PPP5C: variants seen among roughly 807,000 people sequenced by gnomAD.
The protein encoded by PPP5C is serine/threonine-protein phosphatase 5.
PPP5C carries 21 observed loss-of-function variants against 66.7 expected under a neutral mutation model. The observed-to-expected ratio is 0.31, with a 90% CI of 0.22 to 0.45. PPP5C has a LOEUF of 0.45. Ranked by LOEUF, PPP5C falls within the 20% of genes least tolerant of loss-of-function variation. The pLI, the probability that PPP5C is intolerant of heterozygous loss-of-function variation, is 1.00. For missense variants in PPP5C, 464 were observed against 675.9 expected (o/e 0.69, Z 3.48); for synonymous variants, 246 against 257.4 (o/e 0.96, Z 0.43).
chr19:46,375,678 G>A lies in PPP5C; in HGVS notation c.438G>A (p.Lys146=), dbSNP rs1193197070. The A allele has an allele frequency of 3.1e-6, 5 of 1,613,656 alleles. No individual in the cohort carries two copies. The Admixed American group carries it at 8.3e-5, about 27-fold the overall frequency. Residue 146 remains lysine (K), a synonymous_variant, in exon 3 of 13, where the codon AAG becomes AAA. Transcript: ENST00000012443. The part of the protein sequence containing the change: ...YQECNKIVKQ[K]AFERAIAGDE... ...AGTGCAACAAGATCGTGAAGCAGAAGGCCTTTGAGCGGGCCATCGCGGGCG... is the reference window on the plus strand; with the variant it reads ...AGTGCAACAAGATCGTGAAGCAGAAAGCCTTTGAGCGGGCCATCGCGGGCG...
rs191397100 is a variant in PPP5C, at chr19:46,376,668, G to A, written c.633+94G>A. On this transcript the variant is annotated intron_variant, in intron 4 of 12. Coordinates refer to ENST00000012443, the MANE Select transcript of PPP5C (RefSeq NM_006247.4). The surrounding 1 kb of genome is among the most constrained non-coding windows in gnomAD (Gnocchi z 5.1). ...GCACTGAGCAAAACGACAGGAGAAG[G>A]GCGGCCATGACAGCCAACACCAAAC... 110 of 1,528,062 alleles carry A rather than the reference G, an allele frequency of 7.2e-5. No individual in the cohort carries two copies. Among genetic ancestry groups the A allele is most frequent in the African/African-American group, 7.1e-4 (52 of 72,942 alleles). The allele number at this position is 1,528,062 out of a possible 1,614,324, so 94.7% of individuals were successfully genotyped here. A position where few individuals can be genotyped will look rare whatever the true frequency, so the allele number is the denominator to read the frequency against.
chr19:46,388,869 G>C lies in PPP5C; in HGVS notation c.1355+138G>C. 1 of 1,080,176 alleles carries C rather than the reference G, an allele frequency of 9.3e-7. No homozygotes were observed. The highest frequency in any genetic ancestry group is 1.3e-6 in the Non-Finnish European group (1 of 761,178). The allele number at this position is 1,080,176 out of a possible 1,614,324, so 66.9% of individuals were successfully genotyped here. A position where few individuals can be genotyped will look rare whatever the true frequency, so the allele number is the denominator to read the frequency against. Reference sequence around the variant, plus strand: ...AAGAACATGACGAACACCCCCGTATGTGTCACCCACCCATGCAGCACCAGT... The same window carrying C: ...AAGAACATGACGAACACCCCCGTATCTGTCACCCACCCATGCAGCACCAGT... On this transcript the variant is annotated intron_variant, in intron 11 of 12. Transcript: ENST00000012443. This position sits in a 1 kb window ranked among gnomAD's most constrained non-coding sequence, Gnocchi z 4.9.
chr19:46,390,309 C>T lies in PPP5C; in HGVS notation c.1463C>T (p.Ala488Val), dbSNP rs769703528. 2.5e-6 allele frequency: 4 copies of T among 1,588,546 alleles called. No individual in the cohort carries two copies. The highest frequency in any genetic ancestry group is 1.1e-5 in the South Asian group (1 of 87,648). Residue 488 changes from alanine (A) to valine (V), a missense_variant, in exon 13 of 13, where the codon GCC (alanine) becomes GTC (valine). Physicochemically the swap from Ala to Val is moderately conservative, Grantham distance 64. Around this residue, in one of 2 missense-constraint regions of PPP5C, gnomAD observed 387 missense variants for 626.0 expected, o/e 0.62. Transcript: ENST00000012443. ...AVPHPNVKPM[A>V]YANTLLQLGM... ...CCTCATCCCAACGTCAAGCCCATGG[C>T]CTATGCCAACACGCTGCTGCAGCTA...
In PPP5C at chr19:46,384,923, T is replaced by TG; in HGVS notation, c.904+15dup. 2 of 1,599,084 alleles carry TG rather than the reference T, an allele frequency of 1.3e-6. No individual in the cohort carries two copies. The highest frequency in any genetic ancestry group is 1.7e-6 in the Non-Finnish European group (2 of 1,166,398). On this transcript the variant is annotated intron_variant, in intron 7 of 12. Coordinates refer to ENST00000012443, the MANE Select transcript of PPP5C (RefSeq NM_006247.4). Reference sequence around the variant, plus strand: ...ACCTCCTTCGAGGTGAGCTGGGAAGTGACAAGGTTTGGGTTCATTGTGGGG... The same window carrying TG: ...ACCTCCTTCGAGGTGAGCTGGGAAGTGGACAAGGTTTGGGTTCATTGTGGGG...
chr19:46,355,286 C>T (rs1277050741), intron 2 of PPP5C, among the ~76,000 whole-genome samples: 1 of 152,182 alleles, frequency 6.6e-6, no homozygotes, highest in Non-Finnish European at 1.5e-5. Flanking sequence ...CCCCCCGACA[C>T]AGACACACTT....
intron 2 of PPP5C, among the ~76,000 whole-genome samples, chr19:46,371,980 C>A (rs1050680786): frequency 1.3e-5 from 2 of 152,158 alleles, no homozygotes; most frequent in African/African-American, 4.8e-5. Flanking sequence ...TTCTGAAGAA[C>A]AGTTGTTCTG....
intron 2 of PPP5C, among the ~76,000 whole-genome samples, chr19:46,356,419 C>A (rs1972288045): frequency 6.6e-6 from 1 of 152,240 alleles, no homozygotes; most frequent in Non-Finnish European, 1.5e-5. Flanking sequence ...TCCTCCTAGA[C>A]CAGAAGCTCG....
intron 2 of PPP5C, among the ~76,000 whole-genome samples, chr19:46,368,215 A>G (rs867449194): frequency 3.9e-5 from 6 of 152,234 alleles, no homozygotes; most frequent in African/African-American, 1.2e-4. Flanking sequence ...TGTTTGGCCT[A>G]TGCAGAAGAC....
rs777839493 is a variant in PPP5C at position 46,383,243 on chromosome 19, C to T, written c.634-168C>T. The T allele has an allele frequency of 5.9e-5, 91 of 1,541,156 alleles. 1 individual carries two copies. The highest frequency in any genetic ancestry group is 3.3e-4 in the Middle Eastern group (2 of 5,996). ...GGCCACAGAAGCCTGCGGCTGCCTC[C>T]GGCCCCGCCTGCTCCCGCTCCCCCA... On this transcript the variant is annotated intron_variant, in intron 4 of 12. Coordinates refer to ENST00000012443, the MANE Select transcript of PPP5C (RefSeq NM_006247.4). This position sits in a 1 kb window ranked among gnomAD's most constrained non-coding sequence, Gnocchi z 5.0.
chr19:46,387,256 G>A (rs752266011), intron 8 of PPP5C, 21 bp downstream of exon 8: 5 of 1,614,092 alleles, frequency 3.1e-6, no homozygotes, highest in Non-Finnish European at 4.2e-6. Context: ...CGCGAGCCCT[G>A]AGTGTGGGTT....
At chr19:46,375,992 C>T (rs192505692) in intron 3 of PPP5C, among the ~76,000 whole-genome samples, 101 of 152,272 alleles carry the variant, frequency 6.6e-4, no homozygotes, top group African/African-American at 2.3e-3. Context: ...GCCCTTCCTC[C>T]GGGTAGTAGC....
intron 1 of PPP5C, among the ~76,000 whole-genome samples, chr19:46,350,382 G>T (rs1733491904): frequency 1.3e-5 from 2 of 152,316 alleles, no homozygotes; most frequent in South Asian, 4.1e-4. Flanking sequence ...CTGCATGGGG[G>T]TTGCTGCTGA....
chr19:46,386,071 G>GA (rs1386566735), intron 7 of PPP5C, among the ~76,000 whole-genome samples: 1 of 152,218 alleles, frequency 6.6e-6, no homozygotes, highest in Non-Finnish European at 1.5e-5. Flanking sequence ...GGAGTATCTG[G>GA]AGGGCTATGG....
chr19:46,375,899 C>A (rs373340032), intron 3 of PPP5C, 148 bp downstream of exon 3: 2 of 1,366,490 alleles, frequency 1.5e-6, no homozygotes, highest in Non-Finnish European at 9.7e-7. Flanking sequence ...TGTTCCAGGG[C>A]GCTCCATCCA....
At chr19:46,361,203 C>G (rs1382725673) in intron 2 of PPP5C, among the ~76,000 whole-genome samples, 17 of 148,474 alleles carry the variant, frequency 1.1e-4, no homozygotes, top group South Asian at 2.1e-4. Context: ...AATCTCCACT[C>G]GCTGCAAGCT....
At chr19:46,384,724 C>A (rs1972852784) in intron 6 of PPP5C, 80 bp from the exon 7 acceptor site, 2 of 1,116,864 alleles carry the variant, frequency 1.8e-6, no homozygotes, top group Non-Finnish European at 2.7e-6. Flanking sequence ...CCCATCTGGC[C>A]CATCTTCTGC....
At position 46,388,722 on chromosome 19, in the gene PPP5C, C is replaced by G; in HGVS notation, c.1346C>G (p.Pro449Arg). 6.2e-7 allele frequency: 1 copy of G among 1,614,080 alleles called. No homozygotes were observed. Among genetic ancestry groups the G allele is most frequent in the Non-Finnish European group, 8.5e-7 (1 of 1,179,984 alleles). Residue 449 changes from proline to arginine, a missense_variant, in exon 11 of 13, where the codon CCC becomes CGC. Around this residue, in one of 2 missense-constraint regions of PPP5C, gnomAD observed 387 missense variants for 626.0 expected, o/e 0.62. Transcript: ENST00000012443. This position sits in a 1 kb window ranked among gnomAD's most constrained non-coding sequence, Gnocchi z 4.9. ...CGCTGTGTCACCGTCTTCTCTGCCC[C>G]CAACTACTGGTATGTCTTTGCCTTT... ...GGRCVTVFSA[P>R]NYCDQMGNKA...
In PPP5C at chr19:46,376,170, G is replaced by T. The variant is rs954857865; in HGVS notation, c.512-283G>T. On this transcript the variant is annotated intron_variant, in intron 3 of 12. Transcript: ENST00000012443. This position sits in a 1 kb window ranked among gnomAD's most constrained non-coding sequence, Gnocchi z 5.1. ...AAACCCTTCCTGTCCACATGGAGCC[G>T]ATATTCTAGGAGGGAGATAAGATGA... Among the ~76,000 whole-genome samples, 6 of 152,126 alleles carry T rather than the reference G, an allele frequency of 3.9e-5. No homozygotes were observed. The highest frequency in any genetic ancestry group is 7.2e-5 in the African/African-American group (3 of 41,426).
chr19:46,374,167 G>T (rs1431910727), intron 2 of PPP5C, among the ~76,000 whole-genome samples: 1 of 152,198 alleles, frequency 6.6e-6, no homozygotes, highest in African/African-American at 2.4e-5. Context: ...CAGACAGGGA[G>T]GAGGCCGTGG....
Sources: gnomAD v4.1 joint callset for allele counts (sites outside exome capture counted in the v4.1 genomes callset) on GRCh38, gnomAD v4.1.1 for gene constraint, gnomAD v4.1.1 regional missense constraint, Gnocchi (gnomAD v3.1) non-coding constraint, MANE v1.5 for transcripts, NCBI Gene and HGNC (gene_info 2026-07-23, HGNC 2026-07-21) for gene names.